Variants in LRRIQ1 observed in about 807,000 individuals in gnomAD.
LRRIQ1 encodes the protein leucine-rich repeat- and IQ domain-containing protein 1.
In LRRIQ1, 210 loss-of-function variants were observed where a neutral mutation model predicts 211.9. The ratio of observed to expected loss-of-function variants is 0.99; its 90% CI spans 0.89 to 1.11. The LOEUF (loss-of-function observed/expected upper bound fraction) is 1.11. Among genes scored for constraint, LRRIQ1 ranks in the 50% most tolerant of loss-of-function variants. The pLI is 0.00. For synonymous variants in LRRIQ1, 699 were observed against 650.1 expected, an observed-to-expected ratio of 1.08 and a Z score of -1.14; for missense variants, 2,136 against 1,939.5, an observed-to-expected ratio of 1.10 and a Z score of -1.90.
chr12:85,071,612 G>A (rs559839019), intron 10 of LRRIQ1, among the ~76,000 whole-genome samples: 2 of 151,952 alleles, frequency 1.3e-5, no homozygotes, highest in Non-Finnish European at 2.9e-5. Flanking sequence ...TATATATTGT[G>A]CCTATTCTCA....
intron 24 of LRRIQ1, among the ~76,000 whole-genome samples, chr12:85,226,723 T>C (rs7488285): frequency 0.5 from 65,454 of 129,952 alleles, 19,088 homozygotes; most frequent in African/African-American, 0.85. Context: ...ATATTCCCCA[T>C]CTTTTCCATG....
rs374728784 is a variant in LRRIQ1, at chr12:85,047,434, T to G, written c.642T>G (p.Phe214Leu). ...AGCGACATTGCTGGATGAAACAATTTAAAGTTGAAAAGAAGAAATTAGAGA... is the reference window on the plus strand; with the variant it reads ...AGCGACATTGCTGGATGAAACAATTGAAAGTTGAAAAGAAGAAATTAGAGA... ...EEKRHCWMKQ[F>L]KVEKKKLENI... The change falls in exon 6 of 27, where the codon TTT becomes TTG. Residue 214 changes from phenylalanine (F) to leucine (L), a missense_variant. Physicochemically the swap from Phe to Leu is conservative, Grantham distance 22. Coordinates refer to ENST00000393217, the MANE Select transcript of LRRIQ1 (RefSeq NM_001079910.2). 1.9e-6 allele frequency: 3 copies of G among 1,613,020 alleles called. No homozygotes were observed. Among genetic ancestry groups the G allele is most frequent in the Non-Finnish European group, 2.5e-6 (3 of 1,179,578 alleles).
intron 18 of LRRIQ1, among the ~76,000 whole-genome samples, chr12:85,130,699 G>C (rs1592851805): frequency 6.6e-6 from 1 of 152,210 alleles, no homozygotes; most frequent in East Asian, 1.9e-4. Flanking sequence ...CTTAAAATAT[G>C]AATTTTAGAC....
At chr12:85,249,992 A>G (rs1171221425), downstream of LRRIQ1, among the ~76,000 whole-genome samples, 1 of 150,784 alleles carries the variant, frequency 6.6e-6, no homozygotes, top group Non-Finnish European at 1.5e-5. Context: ...TTTTTTTTTT[A>G]TTGTTTCTTC....
intron 25 of LRRIQ1, among the ~76,000 whole-genome samples, chr12:85,230,738 A>T (rs1894893367): frequency 6.6e-6 from 1 of 152,158 alleles, no homozygotes; most frequent in Non-Finnish European, 1.5e-5. Context: ...TAAAAGTGTT[A>T]TTATAGGCAT....
At chr12:85,251,313 G>T (rs1417399600) in intron 1 of LRRIQ1, among the ~76,000 whole-genome samples, 3 of 151,520 alleles carry the variant, frequency 2.0e-5, no homozygotes, top group Non-Finnish European at 4.4e-5. Flanking sequence ...TTATAGACTG[G>T]CAATAGCCTA....
Position 85,056,525 on chromosome 12 carries a change from A to G in LRRIQ1, c.1732A>G (p.Asn578Asp). Residue 578 changes from asparagine (N) to aspartate (D), a missense_variant, in exon 8 of 27, where the codon AAT becomes GAT. By Grantham distance (23) the Asn-to-Asp change is conservative. Transcript: ENST00000393217. ...TGAAGAGCAGAAAATAATCAAAGAT[A>G]ATCAGCAGAAAAAGATACAAAAAGT... ...TNEEQKIIKD[N>D]QQKKIQKVEK... is the part of the protein sequence containing the mutation. 6.2e-7 allele frequency: 1 copy of G among 1,611,642 alleles called. No individual in the cohort carries two copies. Among genetic ancestry groups the G allele is most frequent in the Non-Finnish European group, 8.5e-7 (1 of 1,178,946 alleles).
intron 1 of LRRIQ1, among the ~76,000 whole-genome samples, chr12:85,256,179 G>A (rs1896083945): frequency 6.6e-6 from 1 of 151,504 alleles, no homozygotes; most frequent in African/African-American, 2.4e-5. Context: ...AATTTCATCT[G>A]TATTTTGTAA....
At chr12:85,093,859 A>C (rs919573597) in intron 11 of LRRIQ1, among the ~76,000 whole-genome samples, 3 of 152,188 alleles carry the variant, frequency 2.0e-5, no homozygotes, top group African/African-American at 7.2e-5. Flanking sequence ...CTGCTGCATC[A>C]TTGCCTATCT....
intron 11 of LRRIQ1, among the ~76,000 whole-genome samples, chr12:85,074,628 T>C (rs1162654456): frequency 6.6e-6 from 1 of 151,926 alleles, no homozygotes; most frequent in African/African-American, 2.4e-5. Context: ...TCTGGTAACA[T>C]CCTTCTACTC....
chr12:85,211,310 C>A (rs553183584), intron 24 of LRRIQ1, among the ~76,000 whole-genome samples: 13 of 152,258 alleles, frequency 8.5e-5, no homozygotes, highest in African/African-American at 3.1e-4. Context: ...TTTTTCCCAT[C>A]TTTTGACTTA....
chr12:85,188,550 C>T (rs1332044544), intron 24 of LRRIQ1, among the ~76,000 whole-genome samples: 4 of 152,078 alleles, frequency 2.6e-5, no homozygotes, highest in Non-Finnish European at 4.4e-5. Context: ...CTAAAATTTG[C>T]AGAGTACTCA....
chr12:85,244,874 A>G lies in LRRIQ1; in HGVS notation c.5102A>G (p.Lys1701Arg), dbSNP rs760955805. The G allele has an allele frequency of 2.9e-5, 47 of 1,611,652 alleles. No homozygotes were observed. The highest frequency in any genetic ancestry group is 3.8e-5 in the Non-Finnish European group (45 of 1,178,416). Reference sequence around the variant, plus strand: ...GCTTTGTCTGTGAACAGAGAAAAAAAAAATCAGGCACACAGACACTCAGCA... The same window carrying G: ...GCTTTGTCTGTGAACAGAGAAAAAAGAAATCAGGCACACAGACACTCAGCA... ...GSALSVNREK[K>R]NQAHRHSAGS... is the part of the protein sequence containing the mutation. Residue 1701 changes from lysine to arginine, a missense_variant, in exon 27 of 27, where the codon AAA becomes AGA. Physicochemically the swap from Lys to Arg is conservative, Grantham distance 26 (BLOSUM62 2). Coordinates refer to ENST00000393217, the MANE Select transcript of LRRIQ1 (RefSeq NM_001079910.2).
At position 85,055,666 on chromosome 12, in the gene LRRIQ1, A is replaced by G; in HGVS notation, c.873A>G (p.Gln291=). The G allele has an allele frequency of 1.2e-6, 2 of 1,603,898 alleles. No homozygotes were observed. The highest frequency in any genetic ancestry group is 1.7e-6 in the Non-Finnish European group (2 of 1,177,158). ...AGAATAATGCAGCTGTTAAAATTCAAGCTAAATATAAAGCATTTGTTGCCT... is the reference window on the plus strand; with the variant it reads ...AGAATAATGCAGCTGTTAAAATTCAGGCTAAATATAAAGCATTTGTTGCCT... The part of the protein sequence containing the change: ...KQQNNAAVKI[Q]AKYKAFVAYQ... The change falls in exon 8 of 27, where the codon CAA becomes CAG. Residue 291 remains glutamine (Q), a synonymous_variant. Coordinates refer to ENST00000393217, the MANE Select transcript of LRRIQ1 (RefSeq NM_001079910.2).
rs773372245 is a variant in LRRIQ1 at position 85,127,968 on chromosome 12, A to G, written c.4144A>G (p.Lys1382Glu). ...CATCAAGAATCAGACTATTTTAAAG[A>G]AAGGAAAAAGAGAAAATATTGTGAA... ...SSIKNQTILK[K>E]GKRENIVNIR... The change falls in exon 18 of 27, where the codon AAA becomes GAA. Residue 1382 changes from lysine to glutamate, a missense_variant. Transcript: ENST00000393217. The G allele has an allele frequency of 6.2e-7, 1 of 1,613,830 alleles. No individual in the cohort carries two copies. Among genetic ancestry groups the G allele is most frequent in the Non-Finnish European group, 8.5e-7 (1 of 1,179,720 alleles).
chr12:85,127,414 C>G (rs1445437368), intron 17 of LRRIQ1, among the ~76,000 whole-genome samples: 2 of 152,174 alleles, frequency 1.3e-5, no homozygotes, highest in East Asian at 3.9e-4. Flanking sequence ...AGCCTCCTTC[C>G]TCTTACATTC....
At chr12:85,247,946 A>G (rs936169506), downstream of LRRIQ1, among the ~76,000 whole-genome samples, 16 of 151,604 alleles carry the variant, frequency 1.1e-4, no homozygotes, top group Non-Finnish European at 1.9e-4. Context: ...TGCTATCTAA[A>G]TTTCTAATCT....
chr12:85,044,902 A>G (rs968969689), intron 4 of LRRIQ1, 93 bp downstream of exon 4: 5 of 502,168 alleles, frequency 1.0e-5, no homozygotes, highest in Non-Finnish European at 1.8e-5. Context: ...TTTTAAGTTC[A>G]CTGATTTAAA....
At chr12:85,102,408 C>A (rs1303114742) in intron 13 of LRRIQ1, among the ~76,000 whole-genome samples, 1 of 151,498 alleles carries the variant, frequency 6.6e-6, no homozygotes, top group Non-Finnish European at 1.5e-5. Context: ...ACTTTTATTA[C>A]CTTGGATATT....
Sources: allele counts gnomAD v4.1 joint callset (sites outside exome capture counted in the v4.1 genomes callset), GRCh38; gene constraint gnomAD v4.1.1; transcripts MANE v1.5; gene names NCBI Gene and HGNC (gene_info 2026-07-23, HGNC 2026-07-21).